The following WDFY4 variants were observed in gnomAD, a reference collection of about 807,000 sequenced individuals.
The protein encoded by WDFY4 is WD repeat- and FYVE domain-containing protein 4.
A neutral mutation model predicts 351.9 loss-of-function variants in WDFY4; 169 were observed. The ratio of observed to expected loss-of-function variants is 0.48; its 90% CI spans 0.42 to 0.55. WDFY4 has a LOEUF of 0.55. Ranked by LOEUF, WDFY4 falls within the 20% of genes least tolerant of loss-of-function variation. WDFY4 has a pLI of 0.00. For synonymous variants in WDFY4, 1,622 were observed against 1,574.6 expected (o/e 1.03, Z -0.71); for missense variants, 3,803 against 3,935.6 (o/e 0.97, Z 0.90).
chr10:48,832,488 G>A lies in WDFY4; in HGVS notation c.6527-85G>A, dbSNP rs945664031. On this transcript the variant is annotated intron_variant, in intron 38 of 61. Coordinates refer to ENST00000325239, the MANE Select transcript of WDFY4 (RefSeq NM_001394531.1). ...CAACCACAGGGGGCTCATGCCCCTG[G>A]CTGGCCCTTTGAAAGCCAAGCTAGC... The A allele has an allele frequency of 2.3e-5, 33 of 1,418,110 alleles. No individual in the cohort carries two copies. In the South Asian group the frequency reaches 5.1e-4, roughly 22 times the overall value. 87.8% of individuals were successfully genotyped at this position (1,418,110 alleles called of 1,614,324 possible).
In WDFY4 at chr10:48,831,019, A is replaced by G. The variant is rs2068171895; in HGVS notation, c.6526+134A>G. 4.7e-6 allele frequency: 4 copies of G among 844,040 alleles called. No individual in the cohort carries two copies. In the South Asian group the frequency reaches 8.2e-5, roughly 17 times the overall value. 52.3% of individuals were successfully genotyped at this position (844,040 alleles called of 1,614,324 possible). Reference sequence around the variant, plus strand: ...CTCATCCCTTAAGTGGATGGGATTTATATCACTGAAATCTTATGTATCTTT... The same window carrying G: ...CTCATCCCTTAAGTGGATGGGATTTGTATCACTGAAATCTTATGTATCTTT... On this transcript the variant is annotated intron_variant, in intron 38 of 61. Transcript: ENST00000325239.
At chr10:48,791,919 C>T (rs969889832) in intron 23 of WDFY4, among the ~76,000 whole-genome samples, 10 of 152,286 alleles carry the variant, frequency 6.6e-5, no homozygotes, top group Middle Eastern at 3.4e-3. Flanking sequence ...GCCTGTCCCT[C>T]GTAGCCCACT....
chr10:48,968,491 C>G (rs1376616883), intron 55 of WDFY4: 1 of 153,548 alleles, frequency 6.5e-6, no homozygotes, highest in East Asian at 1.9e-4. Flanking sequence ...CCCACTTCAC[C>G]CAGCACAGGG....
chr10:48,807,319 A>G (rs1217351970), intron 27 of WDFY4, among the ~76,000 whole-genome samples: 1 of 152,244 alleles, frequency 6.6e-6, no homozygotes, highest in African/African-American at 2.4e-5. Context: ...AGCATTGTTA[A>G]TATGTCCTTT....
At chr10:48,756,054 A>G (rs2065326611) in intron 12 of WDFY4, among the ~76,000 whole-genome samples, 3 of 152,094 alleles carry the variant, frequency 2.0e-5, no homozygotes, top group African/African-American at 7.2e-5. Flanking sequence ...GCTTGCCTAT[A>G]TCTACAAAAA....
At chr10:48,757,717 C>A (rs1027703140) in intron 12 of WDFY4, among the ~76,000 whole-genome samples, 13 of 151,172 alleles carry the variant, frequency 8.6e-5, no homozygotes, top group African/African-American at 3.2e-4. Flanking sequence ...TTTTAGTATT[C>A]AATTTGAGTT....
At chr10:48,826,260 G>C (rs536524948) in intron 35 of WDFY4, among the ~76,000 whole-genome samples, 1 of 152,280 alleles carries the variant, frequency 6.6e-6, no homozygotes, top group Non-Finnish European at 1.5e-5. Flanking sequence ...AAGATCAGAT[G>C]GTTGTAGATG....
chr10:48,933,885 C>T (rs1252602770), intron 47 of WDFY4, among the ~76,000 whole-genome samples: 1 of 152,054 alleles, frequency 6.6e-6, no homozygotes, highest in Non-Finnish European at 1.5e-5. Context: ...CCTGACATCA[C>T]CCTTGATACT....
intron 9 of WDFY4, among the ~76,000 whole-genome samples, chr10:48,732,700 C>T (rs941715502): frequency 5.3e-5 from 8 of 152,308 alleles, no homozygotes; most frequent in South Asian, 4.1e-4. Context: ...GAGATTTTAA[C>T]GAGGGAATCT....
At chr10:48,848,089 G>T (rs1210711563) in intron 39 of WDFY4, among the ~76,000 whole-genome samples, 2 of 152,122 alleles carry the variant, frequency 1.3e-5, no homozygotes, top group Non-Finnish European at 2.9e-5. Flanking sequence ...GCCTTTTCTG[G>T]CCTGAGTCAT....
At position 48,743,410 on chromosome 10, in the gene WDFY4, C is replaced by T; in HGVS notation, c.2321C>T (p.Ala774Val). 1 of 1,551,528 alleles carries T rather than the reference C, an allele frequency of 6.4e-7. No individual in the cohort carries two copies. The highest frequency in any genetic ancestry group is 1.2e-5 in the South Asian group (1 of 84,054). ...ATCCTTGGCTTTCTGGACAGCATGG[C>T]CAGCGGCACCCTCCACTTGCGTGGG... ...LQILGFLDSM[A>V]SGTLHLRGDL... Residue 774 changes from alanine (A) to valine (V), a missense_variant, in exon 12 of 62, where the codon GCC becomes GTC. By Grantham distance (64) the Ala-to-Val change is moderately conservative. This residue lies in a region of WDFY4 where 3,054 missense variants were observed against 3,148.6 expected (regional missense o/e 0.97). Transcript: ENST00000325239.
chr10:48,799,199 C>A (rs899692212), intron 24 of WDFY4, among the ~76,000 whole-genome samples: 1 of 152,104 alleles, frequency 6.6e-6, no homozygotes, highest in Non-Finnish European at 1.5e-5. Context: ...AAACTACCCT[C>A]TTCAGGAGAT....
intron 28 of WDFY4, 52 bp from the exon 29 acceptor site, chr10:48,810,478 T>A (rs1589665650): frequency 1.3e-6 from 2 of 1,494,010 alleles, no homozygotes; most frequent in Non-Finnish European, 1.8e-6. Flanking sequence ...TTTCTGGACA[T>A]GTCACTCGCT....
chr10:48,787,942 CTTCTT>C lies in WDFY4; in HGVS notation c.3809-587_3809-583del, dbSNP rs1565199087. Among the ~76,000 whole-genome samples, 758 of 104,492 alleles carry C rather than the reference CTTCTT, an allele frequency of 7.3e-3. 22 individuals are homozygous for C. The highest frequency in any genetic ancestry group is 0.011 in the Non-Finnish European group (569 of 53,000). 68.6% of individuals were successfully genotyped at this position (104,492 alleles called of 152,430 possible). A position where few individuals can be genotyped will look rare whatever the true frequency, so the allele number is the denominator to read the frequency against. ...TCTTCTTCTTCTTCTTCTTCTTCTTCTTCTTCTTCTTCTTCTTCTTCTTCTTCTTC... is the reference window on the plus strand; with the variant it reads ...TCTTCTTCTTCTTCTTCTTCTTCTTCCTTCTTCTTCTTCTTCTTCTTCTTC... On this transcript the variant is annotated intron_variant, in intron 20 of 61. Coordinates refer to ENST00000325239, the MANE Select transcript of WDFY4 (RefSeq NM_001394531.1).
chr10:48,897,575 G>A lies in WDFY4; in HGVS notation c.7437+1G>A, dbSNP rs1482087648. On this transcript the variant is annotated splice_donor_variant, in intron 45 of 61. Transcript: ENST00000325239. LOFTEE classifies it high-confidence loss of function. ...ACGGCAGGCTCGCTTCCTCCTGCAG[G>A]TAAGCACACTGGGTGCTGGCACGCC... 3.2e-6 allele frequency: 5 copies of A among 1,545,674 alleles called. No individual in the cohort carries two copies. Among genetic ancestry groups the A allele is most frequent in the Admixed American group, 2.0e-5 (1 of 51,006 alleles).
intron 6 of WDFY4, among the ~76,000 whole-genome samples, chr10:48,726,883 G>A (rs1487548351): frequency 6.6e-6 from 1 of 152,148 alleles, no homozygotes; most frequent in African/African-American, 2.4e-5. Flanking sequence ...GCAAATCTGA[G>A]GACCTCTCTC....
At chr10:48,811,510 C>G in intron 29 of WDFY4, 29 bp from the exon 30 acceptor site, 1 of 1,549,242 alleles carries the variant, frequency 6.5e-7, no homozygotes, top group Non-Finnish European at 8.7e-7. Flanking sequence ...TCTCAGCTGA[C>G]TTTTGTGCCC....
rs377312095 is a variant in WDFY4 at position 48,838,399 on chromosome 10, G to A, written c.6663+5690G>A. ...TCCCTGACCAGGTGCCAGACCTGCC[G>A]TCACCCACCCTAGCATGAAGCAGCT... On this transcript the variant is annotated intron_variant, in intron 39 of 61. Transcript: ENST00000325239. Among the ~76,000 whole-genome samples, 246 of 152,204 alleles carry A rather than the reference G, an allele frequency of 1.6e-3. 1 individual carries two copies. The highest frequency in any genetic ancestry group is 5.2e-3 in the African/African-American group (215 of 41,530).
chr10:48,835,750 T>G (rs1180789964), intron 39 of WDFY4, among the ~76,000 whole-genome samples: 6 of 152,248 alleles, frequency 3.9e-5, no homozygotes, highest in Admixed American at 3.9e-4. Flanking sequence ...CTGGCTTCAT[T>G]CTTCTCCACT....
Sources: allele counts gnomAD v4.1 joint callset (sites outside exome capture counted in the v4.1 genomes callset), GRCh38; gene constraint gnomAD v4.1.1; regional missense constraint gnomAD v4.1.1; transcripts MANE v1.5; gene names NCBI Gene and HGNC (gene_info 2026-07-23, HGNC 2026-07-21).